CPT1B: variants seen among roughly 807,000 people sequenced by gnomAD.
CPT1B encodes the protein carnitine O-palmitoyltransferase 1, muscle isoform.
A neutral mutation model predicts 92.7 loss-of-function variants in CPT1B; 57 were observed. The observed-to-expected ratio is 0.62, with a 90% CI of 0.50 to 0.77. The LOEUF (loss-of-function observed/expected upper bound fraction) is 0.77, where lower values mean the gene tolerates loss of function less well. CPT1B is among the 30% of genes least tolerant of loss of function. The pLI is 0.00. For missense variants in CPT1B, 983 were observed against 1,017.4 expected (o/e 0.97, Z 0.46); for synonymous variants, 398 against 383.5 (o/e 1.04, Z -0.44).
rs1197367619 is a variant in CPT1B, at chr22:50,569,037, G to A, written c.*47C>T. ...ACCTCTGTGGTCTGAGCTGGGGGAG[G>A]GGGAGGGCCTCCGAGTTCCCAAACA... On this transcript the variant is annotated 3_prime_UTR_variant, in exon 20 of 20. Transcript: ENST00000312108. 8 of 310,832 alleles carry A rather than the reference G, an allele frequency of 2.6e-5. No homozygotes were observed. Among genetic ancestry groups the A allele is most frequent in the Non-Finnish European group, 4.9e-5 (8 of 164,524 alleles). The allele number at this position is 310,832 out of a possible 1,614,324, so 19.3% of individuals were successfully genotyped here.
rs1039137047 is a variant in CPT1B at position 50,577,932 on chromosome 22, C to T, written c.-17G>A. 6.2e-7 allele frequency: 1 copy of T among 1,602,864 alleles called. No individual in the cohort carries two copies. Among genetic ancestry groups the T allele is most frequent in the East Asian group, 2.2e-5 (1 of 44,558 alleles). On this transcript the variant is annotated splice_region_variant and 5_prime_UTR_variant, in exon 2 of 20. Transcript: ENST00000312108. ...TTCCGCCATCCTGGGGGTTGGTCGG[C>T]ACCTAGGACGGGGGCAGATGGGTGC...
Position 50,571,207 on chromosome 22 carries a change from G to A in CPT1B, c.1826C>T (p.Thr609Ile), listed in dbSNP as rs748040203. 3 of 1,614,156 alleles carry A rather than the reference G, an allele frequency of 1.9e-6. No individual in the cohort carries two copies. The highest frequency in any genetic ancestry group is 1.1e-5 in the South Asian group (1 of 91,076). The change falls in exon 15 of 20, where the codon ACC (threonine) becomes ATC (isoleucine). Residue 609 changes from threonine to isoleucine, a missense_variant. Physicochemically the swap from Thr to Ile is moderately conservative, Grantham distance 89 (BLOSUM62 -1). Coordinates refer to ENST00000312108, the MANE Select transcript of CPT1B (RefSeq NM_152246.3). ...CTGCACAAAGGCTGTGGACTCGCTG[G>A]TACAGGAACGCACAGTCTCAGTCCG... is the stretch of plus-strand genomic sequence containing the variant. ...EGRTETVRSC[T>I]SESTAFVQAM...
At chr22:50,574,789 T>G in intron 7 of CPT1B, 189 bp from the exon 8 acceptor site, 1 of 588,498 alleles carries the variant, frequency 1.7e-6, no homozygotes, top group Non-Finnish European at 3.0e-6. Flanking sequence ...TGCTCCAGCT[T>G]CAGCCTGAGC....
chr22:50,571,991 G>GA lies in CPT1B; in HGVS notation c.1575+14dup, dbSNP rs775340376. ...CTTTGTGGTCTCACACCTGCTCTGG[G>GA]AGCTTCCAACCCACCTGTTTTGGAA... On this transcript the variant is annotated intron_variant, in intron 13 of 19. Transcript: ENST00000312108. The GA allele has an allele frequency of 6.2e-7, 1 of 1,611,126 alleles. No homozygotes were observed. The highest frequency in any genetic ancestry group is 2.2e-5 in the East Asian group (1 of 44,876).
intron 3 of CPT1B, 140 bp from the exon 4 acceptor site, chr22:50,577,174 G>T: frequency 1.5e-6 from 2 of 1,369,278 alleles, no homozygotes; most frequent in Non-Finnish European, 2.0e-6. Flanking sequence ...AGCGGATGTA[G>T]GGCTAAGACA....
intron 11 of CPT1B, among the ~76,000 whole-genome samples, chr22:50,572,563 C>T (rs1030859226): frequency 6.6e-6 from 1 of 152,104 alleles, no homozygotes; most frequent in Non-Finnish European, 1.5e-5. Flanking sequence ...ATTACAGGTG[C>T]CTGCCACCAT....
chr22:50,570,488 C>A, intron 16 of CPT1B, 82 bp from the exon 17 acceptor site: 1 of 1,129,956 alleles, frequency 8.8e-7, no homozygotes, highest in Non-Finnish European at 1.3e-6. Context: ...CTACTCTGAG[C>A]CAGACACGGT....
intron 18 of CPT1B, 58 bp downstream of exon 18, chr22:50,569,517 TC>T (rs2070052838): frequency 6.2e-7 from 1 of 1,603,560 alleles, no homozygotes; most frequent in African/African-American, 1.3e-5. Flanking sequence ...ACACCTGTGT[TC>T]CTGGGCAGCC....
At position 50,570,891 on chromosome 22, in the gene CPT1B, C is replaced by A. The variant is rs749675333; in HGVS notation, c.2028G>T (p.Glu676Asp). Reference protein sequence around the residue: ...YLGVSSPFLAEVLSEPWRLST... With the variant: ...YLGVSSPFLADVLSEPWRLST... ...GGACACACCCAACAACGGTGCTGACCTCAGCAAGGAAAGGAGAGCTGACTC... is the reference window on the plus strand; with the variant it reads ...GGACACACCCAACAACGGTGCTGACATCAGCAAGGAAAGGAGAGCTGACTC... The change falls in exon 16 of 20, where the codon GAG becomes GAT. Residue 676 changes from glutamate (E) to aspartate (D), a missense_variant and splice_region_variant. By Grantham distance (45) the Glu-to-Asp change is conservative. Coordinates refer to ENST00000312108, the MANE Select transcript of CPT1B (RefSeq NM_152246.3). The A allele has an allele frequency of 3.1e-6, 5 of 1,613,210 alleles. No homozygotes were observed. In the East Asian group the frequency reaches 1.1e-4, roughly 36 times the overall value.
intron 13 of CPT1B, 80 bp downstream of exon 13, chr22:50,571,926 G>A: frequency 2.3e-6 from 3 of 1,294,530 alleles, no homozygotes; most frequent in Admixed American, 1.7e-5. Context: ...AGCAGGGGAG[G>A]AGGAGGCTCA....
rs761355935 is a variant in CPT1B, at chr22:50,576,613, G to A, written c.484C>T (p.Arg162Trp). Residue 162 changes from arginine to tryptophan, a missense_variant, in exon 5 of 20, where the codon CGG (arginine) becomes TGG (tryptophan). Coordinates refer to ENST00000312108, the MANE Select transcript of CPT1B (RefSeq NM_152246.3). ...TGGAAGCTGTAGAGCATAGGGTGCC[G>A]GCTGGATAGAAGGCGGATACACATC... ...WAMCIRLLSS[R>W]HPMLYSFQTS... The A allele has an allele frequency of 2.2e-5, 35 of 1,610,202 alleles. No homozygotes were observed. The highest frequency in any genetic ancestry group is 6.7e-5 in the African/African-American group (5 of 74,870).
intron 7 of CPT1B, among the ~76,000 whole-genome samples, chr22:50,575,289 G>A (rs1359514590): frequency 2.0e-5 from 3 of 152,322 alleles, no homozygotes; most frequent in East Asian, 1.9e-4. Context: ...GATTACAGGC[G>A]TGAGCCACTG....
Position 50,573,628 on chromosome 22 carries a change from C to T in CPT1B, c.1058G>A (p.Arg353His), listed in dbSNP as rs144936442. The change falls in exon 10 of 20, where the codon CGT becomes CAT. Residue 353 changes from arginine (R) to histidine (H), a missense_variant. Coordinates refer to ENST00000312108, the MANE Select transcript of CPT1B (RefSeq NM_152246.3). The surrounding 1 kb of genome is among the most constrained non-coding windows in gnomAD (Gnocchi z 5.0). ...FFKLWLYEGA[R>H]LLKPQDLEMQ... ...CTCCAGATCCTGAGGCTTGAGCAGACGGGCGCCCTCATAGAGCCACAGCTT... is the reference window on the plus strand; with the variant it reads ...CTCCAGATCCTGAGGCTTGAGCAGATGGGCGCCCTCATAGAGCCACAGCTT... The T allele has an allele frequency of 4.8e-5, 78 of 1,613,472 alleles. No homozygotes were observed. Among genetic ancestry groups the T allele is most frequent in the East Asian group, 2.2e-4 (10 of 44,866 alleles).
chr22:50,576,549 G>C lies in CPT1B; in HGVS notation c.548C>G (p.Ala183Gly). 1.9e-6 allele frequency: 3 copies of C among 1,604,250 alleles called. No homozygotes were observed. Among genetic ancestry groups the C allele is most frequent in the Non-Finnish European group, 2.6e-6 (3 of 1,175,348 alleles). ...CGAGGCCCTCACCCGCTGAATTGTG[G>C]CTGACACCCTGGGCACAGGAAGCTT... Reference protein sequence around the residue: ...LPKLPVPRVSATIQRYLESVR... With the variant: ...LPKLPVPRVSGTIQRYLESVR... Residue 183 changes from alanine (A) to glycine (G), a missense_variant, in exon 5 of 20, where the codon GCC becomes GGC. By Grantham distance (60) the Ala-to-Gly change is moderately conservative. Coordinates refer to ENST00000312108, the MANE Select transcript of CPT1B (RefSeq NM_152246.3).
chr22:50,571,079 TG>T, intron 15 of CPT1B, 36 bp from the exon 16 acceptor site: 1 of 1,612,020 alleles, frequency 6.2e-7, no homozygotes. Flanking sequence ...AGAGTAGCCC[TG>T]GCCCTCCAGG....
chr22:50,570,747 T>G, intron 16 of CPT1B, 144 bp downstream of exon 16: 1 of 1,050,868 alleles, frequency 9.5e-7, no homozygotes, highest in Non-Finnish European at 1.4e-6. Flanking sequence ...CCAGGTGGGG[T>G]GTGGGCGGGA....
At chr22:50,569,771 G>T in intron 17 of CPT1B, 103 bp from the exon 18 acceptor site, 1 of 1,031,508 alleles carries the variant, frequency 9.7e-7, no homozygotes, top group Non-Finnish European at 1.5e-6. Context: ...TGCAGGAACG[G>T]GCCCCAGCCC....
At chr22:50,575,160 CCCA>C (rs1377986882) in intron 7 of CPT1B, among the ~76,000 whole-genome samples, 1 of 151,846 alleles carries the variant, frequency 6.6e-6, no homozygotes, top group African/African-American at 2.4e-5. Flanking sequence ...ACTACAGACG[CCCA>C]CCACCACGCC....
chr22:50,577,640 C>G, intron 2 of CPT1B, 135 bp downstream of exon 2: 2 of 1,429,706 alleles, frequency 1.4e-6, no homozygotes, highest in Non-Finnish European at 1.9e-6. Context: ...CCTGTGCACC[C>G]CTCTGGTGTC....
Sources: gnomAD v4.1 joint callset for allele counts (sites outside exome capture counted in the v4.1 genomes callset) on GRCh38, gnomAD v4.1.1 for gene constraint, Gnocchi (gnomAD v3.1) non-coding constraint, MANE v1.5 for transcripts, NCBI Gene and HGNC (gene_info 2026-07-23, HGNC 2026-07-21) for gene names.